Variants in ITGA9 observed in about 807,000 individuals in gnomAD.
The protein encoded by ITGA9 is integrin alpha-9.
ITGA9 carries 56 observed loss-of-function variants against 127.8 expected under a neutral mutation model. The ratio of observed to expected loss-of-function variants is 0.44; its 90% CI spans 0.35 to 0.55. The LOEUF is 0.55. ITGA9 is among the 20% of genes least tolerant of loss of function. The pLI is 0.00. For synonymous variants in ITGA9, 508 were observed against 514.5 expected (o/e 0.99, Z 0.17); for missense variants, 1,196 against 1,347.1 (o/e 0.89, Z 1.76).
At chr3:37,481,856 T>C (rs1189141685) in intron 4 of ITGA9, among the ~76,000 whole-genome samples, 10 of 152,224 alleles carry the variant, frequency 6.6e-5, no homozygotes. Context: ...CCCACGGTGC[T>C]TACCAAGCAT....
At chr3:37,783,179 G>T (rs1396607772) in intron 25 of ITGA9, among the ~76,000 whole-genome samples, 1 of 151,976 alleles carries the variant, frequency 6.6e-6, no homozygotes, top group Non-Finnish European at 1.5e-5. Context: ...TTTTTTGGAA[G>T]TATTCTTCTT....
In ITGA9 at chr3:37,811,295, G is replaced by C. The variant is rs1697365596; in HGVS notation, c.3009+7353G>C. Among the ~76,000 whole-genome samples the C allele has an allele frequency of 3.9e-5, 6 of 152,202 alleles. No individual in the cohort carries two copies. The South Asian group carries it at 1.2e-3, about 31-fold the overall frequency. ...CTCTCCTTTCCTGCAGCTCCTGACT[G>C]GGTTGGAAGATGCCTGGGCCTGGCA... On this transcript the variant is annotated intron_variant, in intron 27 of 27. Coordinates refer to ENST00000264741, the MANE Select transcript of ITGA9 (RefSeq NM_002207.3).
intron 27 of ITGA9, among the ~76,000 whole-genome samples, chr3:37,810,055 C>T (rs1037662914): frequency 2.0e-5 from 3 of 152,178 alleles, no homozygotes; most frequent in Admixed American, 6.5e-5. Flanking sequence ...TTGAAGACAG[C>T]GGTTGGCGGG....
At chr3:37,702,432 G>T (rs1336268417) in intron 18 of ITGA9, among the ~76,000 whole-genome samples, 1 of 152,168 alleles carries the variant, frequency 6.6e-6, no homozygotes, top group Admixed American at 6.5e-5. Flanking sequence ...TTGGCAAGGT[G>T]GTTAGAGCTG....
intron 14 of ITGA9, among the ~76,000 whole-genome samples, chr3:37,537,663 A>G (rs1306663732): frequency 1.3e-5 from 2 of 152,120 alleles, no homozygotes; most frequent in African/African-American, 4.8e-5. Flanking sequence ...CTGGCATTCT[A>G]GTGGGAGGGG....
intron 15 of ITGA9, among the ~76,000 whole-genome samples, chr3:37,594,502 AT>A (rs11299412): frequency 0.63 from 95,556 of 150,582 alleles, 30,511 homozygotes; most frequent in East Asian, 0.73. Context: ...GGAAGTTTGT[AT>A]TTTTTTTTTT....
intron 18 of ITGA9, among the ~76,000 whole-genome samples, chr3:37,698,104 C>G (rs933744290): frequency 6.6e-6 from 1 of 152,184 alleles, no homozygotes; most frequent in Non-Finnish European, 1.5e-5. Flanking sequence ...AGCATTTTTT[C>G]ATGTGTCTTT....
chr3:37,625,807 A>C (rs1700171014), intron 15 of ITGA9, among the ~76,000 whole-genome samples: 1 of 152,218 alleles, frequency 6.6e-6, no homozygotes, highest in Non-Finnish European at 1.5e-5. Flanking sequence ...CAGTGTGGGA[A>C]GAAGGGGCTG....
At chr3:37,748,004 C>T in intron 22 of ITGA9, 3 of 303,732 alleles carry the variant, frequency 9.9e-6, no homozygotes, top group South Asian at 6.4e-5. Context: ...AGCATAATGA[C>T]CTCCAGTTCC....
intron 7 of ITGA9, among the ~76,000 whole-genome samples, chr3:37,507,371 C>T (rs746141695): frequency 9.9e-5 from 15 of 152,180 alleles, no homozygotes; most frequent in Non-Finnish European, 1.9e-4. Flanking sequence ...CACAGTGATG[C>T]GGGTGCCTCT....
At chr3:37,457,355 G>T (rs1369967378) in intron 1 of ITGA9, among the ~76,000 whole-genome samples, 1 of 152,142 alleles carries the variant, frequency 6.6e-6, no homozygotes, top group Non-Finnish European at 1.5e-5. Flanking sequence ...TTGTCCTCAG[G>T]CAGGCATGAG....
At chr3:37,737,599 A>G (rs984409608) in intron 20 of ITGA9, among the ~76,000 whole-genome samples, 3 of 152,166 alleles carry the variant, frequency 2.0e-5, no homozygotes, top group Non-Finnish European at 4.4e-5. Flanking sequence ...GGGAGTTACA[A>G]GATGCCTTCT....
At chr3:37,802,873 A>C (rs889326156) in intron 26 of ITGA9, among the ~76,000 whole-genome samples, 1 of 152,250 alleles carries the variant, frequency 6.6e-6, no homozygotes, top group African/African-American at 2.4e-5. Context: ...GATATGAGCC[A>C]GTTCCACATA....
intron 15 of ITGA9, among the ~76,000 whole-genome samples, chr3:37,609,912 C>T (rs891432583): frequency 6.6e-6 from 1 of 152,204 alleles, no homozygotes; most frequent in African/African-American, 2.4e-5. Flanking sequence ...TTAGCCAGTT[C>T]ATGTTGCAGA....
chr3:37,457,143 C>G (rs1698268936), intron 1 of ITGA9, among the ~76,000 whole-genome samples: 1 of 152,236 alleles, frequency 6.6e-6, no homozygotes, highest in African/African-American at 2.4e-5. Context: ...CGGGTGCTTA[C>G]ATCTAACTAA....
intron 16 of ITGA9, among the ~76,000 whole-genome samples, chr3:37,653,486 C>G (rs1329679143): frequency 2.6e-5 from 4 of 152,102 alleles, no homozygotes; most frequent in African/African-American, 9.7e-5. Flanking sequence ...GGGAATGAAT[C>G]AAATAAGTAA....
intron 17 of ITGA9, among the ~76,000 whole-genome samples, chr3:37,667,633 A>ATT (rs1700598572): frequency 6.6e-6 from 1 of 152,180 alleles, no homozygotes; most frequent in East Asian, 1.9e-4. Flanking sequence ...ATGCCCCTCA[A>ATT]TTGTCTTACA....
intron 4 of ITGA9, among the ~76,000 whole-genome samples, chr3:37,485,822 A>G (rs1359337782): frequency 6.6e-6 from 1 of 152,214 alleles, no homozygotes; most frequent in African/African-American, 2.4e-5. Context: ...ATGGGAAATA[A>G]AAATGAATTT....
intron 23 of ITGA9, among the ~76,000 whole-genome samples, chr3:37,758,148 C>T (rs1696676971): frequency 6.7e-6 from 1 of 149,414 alleles, no homozygotes; most frequent in South Asian, 2.1e-4. Context: ...AAGGTGAAAC[C>T]CCGTCTCTAC....
Sources: allele counts gnomAD v4.1 joint callset (sites outside exome capture counted in the v4.1 genomes callset), GRCh38; gene constraint gnomAD v4.1.1; transcripts MANE v1.5; gene names NCBI Gene and HGNC (gene_info 2026-07-23, HGNC 2026-07-21).